LATS1: variants seen among roughly 807,000 people sequenced by gnomAD.
The protein encoded by LATS1 is large tumor suppressor kinase 1, also known as serine/threonine-protein kinase LATS1.
A neutral mutation model predicts 106.6 loss-of-function variants in LATS1; 25 were observed. The observed-to-expected ratio is 0.23, with a 90% CI of 0.17 to 0.33. The LOEUF is 0.33. LATS1 is among the 10% of genes least tolerant of loss of function. The probability of loss-of-function intolerance (pLI) is 1.00; values close to 1 mark genes in which losing one functional copy is unlikely to be tolerated. For synonymous variants in LATS1, 465 were observed against 455.6 expected, an observed-to-expected ratio of 1.02 and a Z score of -0.26; for missense variants, 1,040 against 1,382.6, an observed-to-expected ratio of 0.75 and a Z score of 3.93.
intron 1 of LATS1, among the ~76,000 whole-genome samples, chr6:149,715,667 T>C (rs188983710): frequency 2.0e-5 from 3 of 152,294 alleles, no homozygotes; most frequent in African/African-American, 7.2e-5. Flanking sequence ...TTAAAATAAA[T>C]TCCCAGAAGT....
intron 7 of LATS1, chr6:149,675,614 T>C (rs1358856341): frequency 6.6e-6 from 1 of 152,280 alleles, no homozygotes; most frequent in Non-Finnish European, 1.5e-5. Context: ...TGGAGTGCGA[T>C]GGCAAGATCT....
intron 3 of LATS1, among the ~76,000 whole-genome samples, chr6:149,686,922 A>G (rs1421175717): frequency 6.6e-6 from 1 of 152,058 alleles, no homozygotes. Flanking sequence ...TATCATTCTC[A>G]TGATTGTATT....
chr6:149,665,481 T>C (rs1282364804), intron 7 of LATS1, among the ~76,000 whole-genome samples: 1 of 152,156 alleles, frequency 6.6e-6, no homozygotes, highest in Admixed American at 6.5e-5. Context: ...TTATGAGATA[T>C]TGGCAGAGTT....
chr6:149,676,883 G>C lies in LATS1; in HGVS notation c.2594-146C>G, dbSNP rs1781754253. ...CACAATGTATGCCAAATCACTGATG[G>C]TGTTTATTACCAATTAGAGCCTATT... On this transcript the variant is annotated intron_variant, in intron 5 of 7. Transcript: ENST00000543571. 1.5e-5 allele frequency: 10 copies of C among 678,952 alleles called. No homozygotes were observed. The East Asian group carries it at 2.7e-4, about 19-fold the overall frequency. 42.1% of individuals were successfully genotyped at this position (678,952 alleles called of 1,614,324 possible). A position where few individuals can be genotyped will look rare whatever the true frequency, so the allele number is the denominator to read the frequency against.
intron 1 of LATS1, among the ~76,000 whole-genome samples, chr6:149,703,396 A>G (rs1306235312): frequency 6.6e-6 from 1 of 152,176 alleles, no homozygotes; most frequent in Non-Finnish European, 1.5e-5. Context: ...CTGTGTCCCC[A>G]CCAAATCTCA....
chr6:149,708,773 G>A (rs1243872181), intron 1 of LATS1, among the ~76,000 whole-genome samples: 2 of 152,174 alleles, frequency 1.3e-5, no homozygotes, highest in African/African-American at 4.8e-5. Context: ...TGAACTCTGA[G>A]CAAGAGAAAC....
chr6:149,676,457 A>T, intron 6 of LATS1, 91 bp from the exon 7 acceptor site: 2 of 1,375,024 alleles, frequency 1.5e-6, no homozygotes. Context: ...CTTTAAAATT[A>T]ATACTTTTAT....
chr6:149,711,609 C>G (rs1014612968), intron 1 of LATS1, among the ~76,000 whole-genome samples: 1 of 152,038 alleles, frequency 6.6e-6, no homozygotes. Flanking sequence ...ATCTTCTTGT[C>G]TATTCAAAAT....
At chr6:149,673,096 C>CTT (rs199602290) in intron 7 of LATS1, among the ~76,000 whole-genome samples, 18 of 119,072 alleles carry the variant, frequency 1.5e-4, no homozygotes, top group South Asian at 1.1e-3. Context: ...CTTTTCTTTT[C>CTT]TTTTTTTTTT....
Position 149,676,279 on chromosome 6 carries a change from G to T in LATS1, c.2864C>A (p.Pro955Gln). 1 of 1,609,690 alleles carries T rather than the reference G, an allele frequency of 6.2e-7. No individual in the cohort carries two copies. The highest frequency in any genetic ancestry group is 1.1e-5 in the South Asian group (1 of 90,996). ...CCTTACCTTCATTTGTGTTTCTAATGGTGTTTGTGCCAAGAAAGGAGGTTG... is the reference window on the plus strand; with the variant it reads ...CCTTACCTTCATTTGTGTTTCTAATTGTGTTTGTGCCAAGAAAGGAGGTTG... ...VGQPPFLAQT[P>Q]LETQMKVINW... The change falls in exon 7 of 8, where the codon CCA becomes CAA. Residue 955 changes from proline to glutamine, a missense_variant. By Grantham distance (76) the Pro-to-Gln change is moderately conservative (BLOSUM62 -1). Transcript: ENST00000543571.
chr6:149,678,352 A>ACAAACAAAC (rs1781848343), intron 5 of LATS1, among the ~76,000 whole-genome samples: 1 of 151,158 alleles, frequency 6.6e-6, no homozygotes, highest in African/African-American at 2.4e-5. Context: ...TCAAAAACAA[A>ACAAACAAAC]CAAACAAACA....
At chr6:149,696,429 G>A (rs938444091) in intron 2 of LATS1, among the ~76,000 whole-genome samples, 1 of 150,246 alleles carries the variant, frequency 6.7e-6, no homozygotes, top group African/African-American at 2.4e-5. Context: ...TTGTCTGGGT[G>A]TAGTGGTACG....
chr6:149,694,276 A>C (rs1277722751), intron 3 of LATS1, among the ~76,000 whole-genome samples: 2 of 152,126 alleles, frequency 1.3e-5, no homozygotes, highest in Non-Finnish European at 2.9e-5. Flanking sequence ...AAAGGAAATA[A>C]AGCCGATGCC....
At chr6:149,704,117 C>T (rs2114972620) in intron 1 of LATS1, among the ~76,000 whole-genome samples, 1 of 152,300 alleles carries the variant, frequency 6.6e-6, no homozygotes, top group East Asian at 1.9e-4. Context: ...GATTCTCCTG[C>T]CTCAGCCTCC....
intron 2 of LATS1, among the ~76,000 whole-genome samples, chr6:149,699,185 T>A (rs1331188874): frequency 6.6e-6 from 1 of 152,182 alleles, no homozygotes; most frequent in Non-Finnish European, 1.5e-5. Context: ...AGTTAGGATC[T>A]TGAACAAGAT....
In LATS1 at chr6:149,684,223, G is replaced by C; in HGVS notation, c.866C>G (p.Ser289Cys). The C allele has an allele frequency of 6.2e-7, 1 of 1,614,194 alleles. No homozygotes were observed. The highest frequency in any genetic ancestry group is 1.1e-5 in the South Asian group (1 of 91,086). Residue 289 changes from serine to cysteine, a missense_variant, in exon 4 of 8, where the codon TCT becomes TGT. Physicochemically the swap from Ser to Cys is moderately radical, Grantham distance 112. This residue lies in a region of LATS1 where 624 missense variants were observed against 714.8 expected (regional missense o/e 0.87). Transcript: ENST00000543571. ...GNMEYVISRI[S>C]PVPPGAWQEG... ...TTGCCATGCCCCAGGTGGGACAGGA[G>C]AGATTCGGGAGATTACGTATTCCAT...
chr6:149,671,195 A>T (rs1488327571), intron 7 of LATS1, among the ~76,000 whole-genome samples: 2 of 151,840 alleles, frequency 1.3e-5, no homozygotes, highest in Non-Finnish European at 2.9e-5. Context: ...GTGCAGTGGC[A>T]TGATCTTGGC....
intron 4 of LATS1, among the ~76,000 whole-genome samples, chr6:149,681,956 T>C (rs1782055580): frequency 6.6e-6 from 1 of 151,872 alleles, no homozygotes; most frequent in Non-Finnish European, 1.5e-5. Flanking sequence ...CTACTAAAAA[T>C]AAAAAATTAG....
chr6:149,693,271 C>T (rs543010540), intron 3 of LATS1, among the ~76,000 whole-genome samples: 2 of 136,044 alleles, frequency 1.5e-5, no homozygotes, highest in East Asian at 4.3e-4. Flanking sequence ...GACTCTGTCT[C>T]AAAGAGAAAA....
Sources: gnomAD v4.1 joint callset for allele counts (sites outside exome capture counted in the v4.1 genomes callset) on GRCh38, gnomAD v4.1.1 for gene constraint, gnomAD v4.1.1 regional missense constraint, MANE v1.5 for transcripts, NCBI Gene and HGNC (gene_info 2026-07-23, HGNC 2026-07-21) for gene names.